Variants in UNC5D observed in about 807,000 individuals in gnomAD.
The protein encoded by UNC5D is unc-5 netrin receptor D.
In UNC5D, 39 loss-of-function variants were observed where a neutral mutation model predicts 105.4. That is an observed-to-expected ratio of 0.37 (90% CI 0.29 to 0.48). The LOEUF is 0.48. Among genes scored for constraint, UNC5D ranks in the 20% least tolerant of loss-of-function variants. The probability of loss-of-function intolerance (pLI) is 0.98; values close to 1 mark genes in which losing one functional copy is unlikely to be tolerated. For synonymous variants in UNC5D, 452 were observed against 450.4 expected (o/e 1.00, Z -0.04); for missense variants, 991 against 1,202.4 (o/e 0.82, Z 2.60).
intron 1 of UNC5D, among the ~76,000 whole-genome samples, chr8:35,543,282 A>C (rs1314305355): frequency 6.6e-6 from 1 of 151,548 alleles, no homozygotes; most frequent in African/African-American, 2.5e-5. Context: ...TGTATTTCAA[A>C]GTAATGTCCT....
chr8:35,761,047 A>C (rs1462785450), intron 14 of UNC5D, among the ~76,000 whole-genome samples: 3 of 151,806 alleles, frequency 2.0e-5, no homozygotes, highest in Non-Finnish European at 4.4e-5. Flanking sequence ...TTTTTTTTTC[A>C]GGGGGCCAGG....
chr8:35,636,540 C>T (rs1290162827), intron 4 of UNC5D, among the ~76,000 whole-genome samples: 2 of 152,222 alleles, frequency 1.3e-5, no homozygotes, highest in East Asian at 3.9e-4. Flanking sequence ...TACCATTGCT[C>T]CCAGTATAGT....
intron 13 of UNC5D, among the ~76,000 whole-genome samples, chr8:35,751,773 A>C (rs957007126): frequency 1.3e-5 from 2 of 152,246 alleles, no homozygotes; most frequent in African/African-American, 4.8e-5. Context: ...ACGCATGTGC[A>C]GAACATTGTG....
Position 35,249,573 on chromosome 8 carries a change from A to ATAATAG in UNC5D, c.103+13691_103+13692insGTAATA, listed in dbSNP as rs1438332488. Among the ~76,000 whole-genome samples the ATAATAG allele has an allele frequency of 2.3e-3, 304 of 132,664 alleles. 1 individual carries two copies. The highest frequency in any genetic ancestry group is 8.6e-3 in the African/African-American group (296 of 34,588). 87.0% of individuals were successfully genotyped at this position (132,664 alleles called of 152,430 possible). Reference sequence around the variant, plus strand: ...ACTCTGTCTCAAAATAATAATAATAATAATAATAATAATAATAATAATAAT... The same window carrying ATAATAG: ...ACTCTGTCTCAAAATAATAATAATAATAATAGTAATAATAATAATAATAATAATAAT... On this transcript the variant is annotated intron_variant, in intron 1 of 16. Transcript: ENST00000404895.
At chr8:35,454,751 A>G (rs941558877) in intron 1 of UNC5D, among the ~76,000 whole-genome samples, 1 of 152,102 alleles carries the variant, frequency 6.6e-6, no homozygotes, top group Admixed American at 6.6e-5. Flanking sequence ...TAAAACACCA[A>G]TGAAATTTGT....
At chr8:35,719,947 A>G (rs1408134411) in intron 8 of UNC5D, among the ~76,000 whole-genome samples, 4 of 152,098 alleles carry the variant, frequency 2.6e-5, no homozygotes, top group African/African-American at 9.7e-5. Context: ...TTTAAGTCAA[A>G]TGGATTCTAC....
intron 11 of UNC5D, among the ~76,000 whole-genome samples, chr8:35,733,344 G>T (rs963167059): frequency 6.6e-6 from 1 of 152,180 alleles, no homozygotes; most frequent in Non-Finnish European, 1.5e-5. Flanking sequence ...TGGTTCTTCA[G>T]CTTTTAATCT....
chr8:35,514,347 C>A (rs551784314), intron 1 of UNC5D, among the ~76,000 whole-genome samples: 1 of 152,166 alleles, frequency 6.6e-6, no homozygotes, highest in African/African-American at 2.4e-5. Flanking sequence ...AGGGAGTGAG[C>A]AAATGAGGGC....
At chr8:35,583,632 A>G (rs1818593606) in intron 3 of UNC5D, among the ~76,000 whole-genome samples, 2 of 152,254 alleles carry the variant, frequency 1.3e-5, no homozygotes, top group South Asian at 2.1e-4. Flanking sequence ...TTTTGTCCCT[A>G]TAGCTTTTGG....
At chr8:35,355,864 CT>C (rs1260670598) in intron 1 of UNC5D, among the ~76,000 whole-genome samples, 5 of 152,100 alleles carry the variant, frequency 3.3e-5, no homozygotes, top group African/African-American at 1.2e-4. Flanking sequence ...GTTTTCTCCT[CT>C]TGAGGTTGGC....
rs112188484 is a variant in UNC5D at position 35,788,689 on chromosome 8, A to AACACACAC, written c.2658-1667_2658-1660dup. 1.4e-3 allele frequency among the ~76,000 whole-genome samples: 206 copies of AACACACAC among 151,290 alleles called. 1 individual carries two copies. Among genetic ancestry groups the AACACACAC allele is most frequent in the African/African-American group, 4.7e-3 (192 of 41,046 alleles). On this transcript the variant is annotated intron_variant, in intron 16 of 16. Transcript: ENST00000404895. The stretch of plus-strand genomic sequence containing the variant: ...TTGTGGTCAAATTGGGAAGGCAGAA[A>AACACACAC]ACACACACACGCACACACACACACA...
chr8:35,747,549 T>A (rs1333627903), intron 11 of UNC5D, among the ~76,000 whole-genome samples: 3 of 152,176 alleles, frequency 2.0e-5, no homozygotes, highest in Non-Finnish European at 4.4e-5. Flanking sequence ...ATATTCAATA[T>A]TATTATTTTT....
intron 1 of UNC5D, among the ~76,000 whole-genome samples, chr8:35,494,519 A>G (rs1240043450): frequency 6.6e-6 from 1 of 152,220 alleles, no homozygotes; most frequent in African/African-American, 2.4e-5. Context: ...TTCATTTTAC[A>G]GATAGAAAAT....
At chr8:35,390,930 A>T (rs1414583916) in intron 1 of UNC5D, among the ~76,000 whole-genome samples, 2 of 152,224 alleles carry the variant, frequency 1.3e-5, no homozygotes, top group East Asian at 3.9e-4. Flanking sequence ...GCAGAAAAGC[A>T]GTTGGTTTTT....
At chr8:35,754,978 C>T (rs1222669814) in intron 13 of UNC5D, among the ~76,000 whole-genome samples, 1 of 152,118 alleles carries the variant, frequency 6.6e-6, no homozygotes, top group Non-Finnish European at 1.5e-5. Context: ...AGAAGACAAG[C>T]AGTAAATGAC....
chr8:35,586,454 A>G (rs535424015), intron 3 of UNC5D, among the ~76,000 whole-genome samples: 1 of 152,290 alleles, frequency 6.6e-6, no homozygotes, highest in East Asian at 1.9e-4. Context: ...CTGACTTCTT[A>G]GGTCATAACA....
chr8:35,423,216 T>C (rs989788332), intron 1 of UNC5D, among the ~76,000 whole-genome samples: 1 of 152,010 alleles, frequency 6.6e-6, no homozygotes, highest in Admixed American at 6.6e-5. Context: ...TGAGCAAGAG[T>C]CCTCCTTGTG....
intron 1 of UNC5D, among the ~76,000 whole-genome samples, chr8:35,243,536 C>A (rs984728701): frequency 6.6e-6 from 1 of 152,124 alleles, no homozygotes; most frequent in Non-Finnish European, 1.5e-5. Context: ...GCCTTTCTAA[C>A]TTTCTGTAGC....
intron 1 of UNC5D, among the ~76,000 whole-genome samples, chr8:35,501,298 T>A (rs189268659): frequency 1.3e-5 from 2 of 152,218 alleles, no homozygotes; most frequent in Non-Finnish European, 2.9e-5. Flanking sequence ...AAGCAAAGAG[T>A]CCCCACCAGT....
Sources: gnomAD v4.1 joint callset for allele counts (sites outside exome capture counted in the v4.1 genomes callset) on GRCh38, gnomAD v4.1.1 for gene constraint, MANE v1.5 for transcripts, NCBI Gene and HGNC (gene_info 2026-07-23, HGNC 2026-07-21) for gene names.